SPRED1: variants seen among roughly 807,000 people sequenced by gnomAD.
The protein encoded by SPRED1 is sprouty-related, EVH1 domain-containing protein 1.
SPRED1 carries 18 observed loss-of-function variants against 52.3 expected under a neutral mutation model. That is an observed-to-expected ratio of 0.34 (90% confidence interval 0.24 to 0.51). The LOEUF (loss-of-function observed/expected upper bound fraction) is 0.51. SPRED1 is among the 20% of genes least tolerant of loss of function. The pLI, the probability that SPRED1 is intolerant of heterozygous loss-of-function variation, is 0.97. For missense variants in SPRED1, 485 were observed against 551.0 expected (o/e 0.88, Z 1.20); for synonymous variants, 155 against 179.7 (o/e 0.86, Z 1.10).
chr15:38,322,492 G>A, intron 3 of SPRED1, 83 bp downstream of exon 3: 1 of 1,435,980 alleles, frequency 7.0e-7, no homozygotes, highest in South Asian at 1.2e-5. Context: ...ACCCAAAGTA[G>A]TTTTCACACT....
chr15:38,288,782 T>C (rs973020578), intron 1 of SPRED1, among the ~76,000 whole-genome samples: 2 of 152,168 alleles, frequency 1.3e-5, no homozygotes, highest in African/African-American at 4.8e-5. Flanking sequence ...TTGCTTTGAA[T>C]ATTGTGTCTT....
rs114625394 is a variant in SPRED1 at position 38,266,266 on chromosome 15, C to G, written c.32+13049C>G. 6.0e-3 allele frequency among the ~76,000 whole-genome samples: 914 copies of G among 152,220 alleles called. 9 individuals are homozygous for G. The highest frequency in any genetic ancestry group is 0.021 in the African/African-American group (852 of 41,532). ...GATGAAGAATGCACATACTTTTTCT[C>G]TTGATGAAGGTTATTGGATCCAAAA... On this transcript the variant is annotated intron_variant, in intron 1 of 6. Transcript: ENST00000299084.
At chr15:38,279,823 T>C (rs144218538) in intron 1 of SPRED1, among the ~76,000 whole-genome samples, 1 of 152,316 alleles carries the variant, frequency 6.6e-6, no homozygotes, top group East Asian at 1.9e-4. Context: ...AACTAGGTAA[T>C]ACATGACAAA....
At chr15:38,264,036 C>T (rs1392613339) in intron 1 of SPRED1, among the ~76,000 whole-genome samples, 3 of 152,130 alleles carry the variant, frequency 2.0e-5, no homozygotes, top group African/African-American at 4.8e-5. Context: ...TTTGTTGGCT[C>T]ATGTCAGTAG....
At position 38,351,603 on chromosome 15, in the gene SPRED1, T is replaced by C; in HGVS notation, c.1274T>C (p.Met425Thr). The change falls in exon 7 of 7, where the codon ATG becomes ACG. Residue 425 changes from methionine (M) to threonine (T), a missense_variant. Physicochemically the swap from Met to Thr is moderately conservative, Grantham distance 81. Coordinates refer to ENST00000299084, the MANE Select transcript of SPRED1 (RefSeq NM_152594.3). Reference sequence around the variant, plus strand: ...ATGTGCTGCTACGTCCCTTTGAGAATGTGCCATCGCTGTGGTGAGGCATGT... The same window carrying C: ...ATGTGCTGCTACGTCCCTTTGAGAACGTGCCATCGCTGTGGTGAGGCATGT... ...PCMCCYVPLRMCHRCGEACGC... is the reference protein window; with the variant it reads ...PCMCCYVPLRTCHRCGEACGC... 1.2e-6 allele frequency: 2 copies of C among 1,614,110 alleles called. No individual in the cohort carries two copies. The highest frequency in any genetic ancestry group is 1.7e-6 in the Non-Finnish European group (2 of 1,179,994).
intron 1 of SPRED1, among the ~76,000 whole-genome samples, chr15:38,282,223 C>T (rs1026343747): frequency 1.3e-5 from 2 of 151,890 alleles, no homozygotes; most frequent in Admixed American, 6.6e-5. Context: ...GCCTGTAATC[C>T]CAGCACTTTG....
At chr15:38,336,380 A>ATGTGTGTGTGTGTGTGTGTG (rs35912838) in intron 4 of SPRED1, among the ~76,000 whole-genome samples, 2,527 of 134,172 alleles carry the variant, frequency 0.019, 43 homozygotes, top group South Asian at 0.031. Context: ...GATAAAGAAA[A>ATGTGTGTGTGTGTGTGTGTG]TGTGTGTGTG....
At chr15:38,316,725 T>TAAA (rs1161455342) in intron 2 of SPRED1, among the ~76,000 whole-genome samples, 16 of 149,050 alleles carry the variant, frequency 1.1e-4, no homozygotes, top group African/African-American at 3.7e-4. Flanking sequence ...CGGCTTTTTC[T>TAAA]AGTTTACAAT....
At chr15:38,325,477 G>A (rs1208348175) in intron 4 of SPRED1, among the ~76,000 whole-genome samples, 1 of 151,808 alleles carries the variant, frequency 6.6e-6, no homozygotes, top group Non-Finnish European at 1.5e-5. Flanking sequence ...TAAGGAAGTG[G>A]TTCATAAGAT....
intron 3 of SPRED1, among the ~76,000 whole-genome samples, chr15:38,323,037 A>G (rs1388724941): frequency 6.6e-6 from 1 of 152,178 alleles, no homozygotes; most frequent in Admixed American, 6.5e-5. Context: ...ATTTCTTCCC[A>G]TAAAGGAAGA....
intron 2 of SPRED1, among the ~76,000 whole-genome samples, chr15:38,321,388 G>T (rs1895598625): frequency 6.6e-6 from 1 of 152,030 alleles, no homozygotes; most frequent in Non-Finnish European, 1.5e-5. Flanking sequence ...TGCACATTCG[G>T]TCATTCCACT....
intron 1 of SPRED1, among the ~76,000 whole-genome samples, chr15:38,286,360 T>C (rs1894810365): frequency 6.6e-6 from 1 of 152,082 alleles, no homozygotes; most frequent in South Asian, 2.1e-4. Context: ...AAATCATTGG[T>C]AAATAGGACA....
intron 4 of SPRED1, among the ~76,000 whole-genome samples, chr15:38,334,956 A>G (rs1280536223): frequency 2.6e-5 from 4 of 151,458 alleles, no homozygotes; most frequent in Non-Finnish European, 5.9e-5. Context: ...AAGTATTTCT[A>G]TTTCTCCAAA....
At chr15:38,291,221 A>G (rs935834008) in intron 1 of SPRED1, among the ~76,000 whole-genome samples, 6 of 152,350 alleles carry the variant, frequency 3.9e-5, no homozygotes, top group East Asian at 1.9e-4. Context: ...CTTTGACCCC[A>G]TGTCTCACAT....
At chr15:38,330,419 A>C (rs1392055613) in intron 4 of SPRED1, among the ~76,000 whole-genome samples, 1 of 152,176 alleles carries the variant, frequency 6.6e-6, no homozygotes, top group Non-Finnish European at 1.5e-5. Context: ...CCTTAAGCTA[A>C]TCAAACTAAA....
chr15:38,324,286 A>T (rs1278123930), intron 3 of SPRED1, among the ~76,000 whole-genome samples: 1 of 152,222 alleles, frequency 6.6e-6, no homozygotes, highest in Admixed American at 6.5e-5. Flanking sequence ...AGTCAGTAAC[A>T]ACAATTGGCC....
At chr15:38,348,278 C>T (rs1378771465) in intron 5 of SPRED1, among the ~76,000 whole-genome samples, 2 of 151,932 alleles carry the variant, frequency 1.3e-5, no homozygotes, top group Admixed American at 1.3e-4. Flanking sequence ...CCTTCCCAGA[C>T]CATTTAATCC....
intron 1 of SPRED1, among the ~76,000 whole-genome samples, chr15:38,276,024 A>G (rs975308694): frequency 3.9e-5 from 6 of 152,196 alleles, no homozygotes; most frequent in Non-Finnish European, 8.8e-5. Context: ...AGGACAGGAC[A>G]CAATCTAATT....
intron 1 of SPRED1, among the ~76,000 whole-genome samples, chr15:38,272,276 GT>G (rs1555387949): frequency 1.5e-5 from 2 of 131,488 alleles, no homozygotes; most frequent in East Asian, 2.2e-4. Context: ...CGAATGCTAG[GT>G]TTTTTTTTTG....
Sources: allele counts gnomAD v4.1 joint callset (sites outside exome capture counted in the v4.1 genomes callset), GRCh38; gene constraint gnomAD v4.1.1; transcripts MANE v1.5; gene names NCBI Gene and HGNC (gene_info 2026-07-23, HGNC 2026-07-21).